Variants in FER observed in about 807,000 individuals in gnomAD.
FER encodes FER tyrosine kinase, also known as tyrosine-protein kinase Fer.
Under a neutral mutation model 111.0 loss-of-function variants are expected in FER, and 63 were observed. That is an observed-to-expected ratio of 0.57 (90% CI 0.46 to 0.70). The LOEUF (loss-of-function observed/expected upper bound fraction) is 0.70. FER is among the 30% of genes least tolerant of loss of function. The pLI is 0.00. For synonymous variants in FER, 327 were observed against 313.9 expected, an observed-to-expected ratio of 1.04 and a Z score of -0.44; for missense variants, 914 against 954.0, an observed-to-expected ratio of 0.96 and a Z score of 0.55.
At chr5:109,184,605 G>T (rs993419440) in intron 18 of FER, among the ~76,000 whole-genome samples, 4 of 152,072 alleles carry the variant, frequency 2.6e-5, no homozygotes, top group Non-Finnish European at 5.9e-5. Flanking sequence ...TTTTCTTAAA[G>T]AATTAGTCTT....
At position 109,195,409 on chromosome 5, in the gene FER, A is replaced by G. The variant is rs1287488723; in HGVS notation, c.*7834A>G. ...CATACCTGCAGTGTACAGAATATGT[A>G]CATGTTCCAATGGAATTCACTATTT... is the stretch of plus-strand genomic sequence containing the variant. On this transcript the variant is annotated 3_prime_UTR_variant, in exon 20 of 20. Transcript: ENST00000281092. 1.3e-5 allele frequency: 2 copies of G among 152,162 alleles called. No individual in the cohort carries two copies. The highest frequency in any genetic ancestry group is 2.9e-5 in the Non-Finnish European group (2 of 68,026). The allele number at this position is 152,162 out of a possible 1,614,324, so 9.4% of individuals were successfully genotyped here.
chr5:108,776,518 CAG>C (rs1753508701), intron 2 of FER, among the ~76,000 whole-genome samples: 1 of 152,036 alleles, frequency 6.6e-6, no homozygotes, highest in Admixed American at 6.6e-5. Context: ...AGTTGAAAAA[CAG>C]GAGACATTTT....
chr5:108,769,603 A>G (rs1344672400), intron 2 of FER, among the ~76,000 whole-genome samples: 3 of 152,162 alleles, frequency 2.0e-5, no homozygotes, highest in African/African-American at 4.8e-5. Flanking sequence ...GGTTGTAGCA[A>G]TAAGGGAGAG....
intron 17 of FER, among the ~76,000 whole-genome samples, chr5:109,133,135 G>A (rs936082110): frequency 6.6e-6 from 1 of 152,154 alleles, no homozygotes; most frequent in African/African-American, 2.4e-5. Flanking sequence ...TGGGCAGAGG[G>A]TTATCTAGCT....
chr5:108,922,612 T>C (rs573607517), intron 10 of FER, among the ~76,000 whole-genome samples: 1 of 152,216 alleles, frequency 6.6e-6, no homozygotes, highest in African/African-American at 2.4e-5. Flanking sequence ...TAATGCTTAA[T>C]GAATATTTAA....
At chr5:109,168,251 T>C (rs1020216844) in intron 17 of FER, among the ~76,000 whole-genome samples, 2 of 152,186 alleles carry the variant, frequency 1.3e-5, no homozygotes, top group African/African-American at 4.8e-5. Flanking sequence ...TTGTGAAATA[T>C]ATATTGGTCT....
chr5:108,897,642 T>C lies in FER; in HGVS notation c.1047-17T>C. On this transcript the variant is annotated splice_polypyrimidine_tract_variant and intron_variant, in intron 9 of 19. Coordinates refer to ENST00000281092, the MANE Select transcript of FER (RefSeq NM_005246.4). Reference sequence around the variant, plus strand: ...TTCTTAATGAAGTTGAAATCATTTATATTTATTCTCTTTTAGTATTGTGCT... The same window carrying C: ...TTCTTAATGAAGTTGAAATCATTTACATTTATTCTCTTTTAGTATTGTGCT... The C allele has an allele frequency of 6.6e-7, 1 of 1,509,566 alleles. No homozygotes were observed. The highest frequency in any genetic ancestry group is 8.8e-7 in the Non-Finnish European group (1 of 1,130,238). 93.5% of individuals were successfully genotyped at this position (1,509,566 alleles called of 1,614,324 possible).
At chr5:109,031,181 TTC>T (rs1002633662) in intron 13 of FER, among the ~76,000 whole-genome samples, 7 of 152,132 alleles carry the variant, frequency 4.6e-5, no homozygotes, top group African/African-American at 1.7e-4. Flanking sequence ...CTGAGCCGCC[TTC>T]TATGGCTATG....
At chr5:109,100,285 CA>C in intron 16 of FER, 110 bp from the exon 17 acceptor site, 1 of 1,320,296 alleles carries the variant, frequency 7.6e-7, no homozygotes, top group Non-Finnish European at 1.1e-6. Context: ...AAAGCATGGC[CA>C]AATGTGTAAT....
intron 5 of FER, among the ~76,000 whole-genome samples, chr5:108,844,142 A>ATGTGTGTGAACACG (rs1761629733): frequency 1.1e-5 from 1 of 91,154 alleles, no homozygotes; most frequent in Non-Finnish European, 2.5e-5. Context: ...GTGAACATAT[A>ATGTGTGTGAACACG]TGTGTGTGTG....
chr5:109,145,151 G>T (rs1753939069), intron 17 of FER, among the ~76,000 whole-genome samples: 1 of 151,814 alleles, frequency 6.6e-6, no homozygotes, highest in Non-Finnish European at 1.5e-5. Flanking sequence ...GCCTAGCAAA[G>T]CTCCCTCTCT....
chr5:108,916,033 G>A (rs1245331564), intron 10 of FER, among the ~76,000 whole-genome samples: 1 of 152,030 alleles, frequency 6.6e-6, no homozygotes, highest in African/African-American at 2.4e-5. Context: ...ATTGACTACT[G>A]ACTTGTGAAC....
intron 17 of FER, among the ~76,000 whole-genome samples, chr5:109,155,307 T>C (rs149210661): frequency 5.3e-4 from 81 of 152,000 alleles, no homozygotes; most frequent in African/African-American, 1.9e-3. Context: ...GCTGAGGTCA[T>C]TGAAAAATAT....
intron 17 of FER, among the ~76,000 whole-genome samples, chr5:109,180,303 T>C (rs1308485202): frequency 1.3e-5 from 2 of 152,212 alleles, no homozygotes; most frequent in African/African-American, 2.4e-5. Context: ...CATGCAGCTA[T>C]TTAATGTAAC....
At chr5:108,861,235 A>G (rs1267063467) in intron 5 of FER, among the ~76,000 whole-genome samples, 1 of 152,250 alleles carries the variant, frequency 6.6e-6, no homozygotes, top group Non-Finnish European at 1.5e-5. Flanking sequence ...GGTTTCTACC[A>G]TAATTCGCAA....
chr5:108,753,084 T>C (rs1750679124), intron 1 of FER, among the ~76,000 whole-genome samples: 1 of 152,112 alleles, frequency 6.6e-6, no homozygotes, highest in Non-Finnish European at 1.5e-5. Context: ...CTTCACTAGC[T>C]TGTTACATAG....
At chr5:109,044,831 T>C (rs1253662906) in intron 15 of FER, 36 bp downstream of exon 15, 1 of 1,015,798 alleles carries the variant, frequency 9.8e-7, no homozygotes, top group East Asian at 2.6e-5. Context: ...ATGTATTTAT[T>C]ATGTAAATTA....
intron 10 of FER, among the ~76,000 whole-genome samples, chr5:108,918,093 A>T (rs1752497473): frequency 6.6e-6 from 1 of 152,188 alleles, no homozygotes; most frequent in Non-Finnish European, 1.5e-5. Context: ...ATGTATAGTT[A>T]CTACCCTAGA....
intron 17 of FER, among the ~76,000 whole-genome samples, chr5:109,115,999 CAACCAGAATATATAAT>C (rs1195256883): frequency 2.0e-4 from 30 of 151,976 alleles, no homozygotes; most frequent in African/African-American, 6.8e-4. Context: ...CATACACATT[CAACCAGAATATATAAT>C]AACATGAAAT....
Sources: allele counts gnomAD v4.1 joint callset (sites outside exome capture counted in the v4.1 genomes callset), GRCh38; gene constraint gnomAD v4.1.1; transcripts MANE v1.5; gene names NCBI Gene and HGNC (gene_info 2026-07-23, HGNC 2026-07-21).